Variants in VPS35L observed in about 807,000 individuals in gnomAD.
VPS35L encodes VPS35 endosomal protein sorting factor like.
VPS35L carries 83 observed loss-of-function variants against 133.0 expected under a neutral mutation model. The observed-to-expected ratio is 0.62, with a 90% CI of 0.52 to 0.75. VPS35L has a LOEUF of 0.75. Ranked by LOEUF, VPS35L falls within the 30% of genes least tolerant of loss-of-function variation. VPS35L has a pLI of 0.00. For missense variants in VPS35L, 1,083 were observed against 1,206.8 expected (o/e 0.90, Z 1.52); for synonymous variants, 423 against 449.9 (o/e 0.94, Z 0.76).
chr16:19,591,746 C>A, intron 7 of VPS35L, 44 bp from the exon 8 acceptor site: 1 of 1,443,758 alleles, frequency 6.9e-7, no homozygotes, highest in Non-Finnish European at 9.7e-7. Context: ...CTACCCATAC[C>A]AGACATGCCA....
chr16:19,625,398 G>A (rs979355393), intron 14 of VPS35L, among the ~76,000 whole-genome samples: 7 of 152,152 alleles, frequency 4.6e-5, no homozygotes, highest in African/African-American at 1.7e-4. Context: ...AGTGCACCTT[G>A]GGCACCTCTT....
intron 14 of VPS35L, among the ~76,000 whole-genome samples, chr16:19,622,567 G>GA (rs1423379118): frequency 6.6e-6 from 1 of 151,996 alleles, no homozygotes; most frequent in Non-Finnish European, 1.5e-5. Flanking sequence ...GCATATGGTT[G>GA]AAAAAAATCC....
At chr16:19,567,812 TA>T (rs1001779661) in intron 2 of VPS35L, among the ~76,000 whole-genome samples, 1 of 151,654 alleles carries the variant, frequency 6.6e-6, no homozygotes, top group Non-Finnish European at 1.5e-5. Flanking sequence ...CTACAAAAAG[TA>T]AAAAAACAAT....
intron 7 of VPS35L, among the ~76,000 whole-genome samples, chr16:19,591,366 A>T (rs1972037353): frequency 6.6e-6 from 1 of 152,186 alleles, no homozygotes; most frequent in African/African-American, 2.4e-5. Flanking sequence ...TCAGTATACA[A>T]GCAGGATCCT....
At chr16:19,624,289 A>T (rs966283461) in intron 14 of VPS35L, among the ~76,000 whole-genome samples, 5 of 151,334 alleles carry the variant, frequency 3.3e-5, no homozygotes, top group South Asian at 4.2e-4. Context: ...CTAATTTTTT[A>T]AAAAATTTTA....
chr16:19,561,326 G>A (rs540215707), intron 1 of VPS35L, among the ~76,000 whole-genome samples: 57 of 152,098 alleles, frequency 3.7e-4, no homozygotes, highest in African/African-American at 1.3e-3. Flanking sequence ...AGCGGAGATC[G>A]CGCCACTGCA....
intron 27 of VPS35L, among the ~76,000 whole-genome samples, chr16:19,674,730 C>T (rs984893776): frequency 2.6e-5 from 4 of 152,034 alleles, no homozygotes; most frequent in Admixed American, 2.0e-4. Flanking sequence ...CCTACCCCCA[C>T]CCCCTGCAAC....
chr16:19,693,760 G>A (rs1975791525), intron 29 of VPS35L, among the ~76,000 whole-genome samples: 1 of 151,596 alleles, frequency 6.6e-6, no homozygotes, highest in South Asian at 2.1e-4. Flanking sequence ...CTCCAGCCTG[G>A]GCGACAGAGT....
At chr16:19,660,202 G>A (rs940802037) in intron 26 of VPS35L, among the ~76,000 whole-genome samples, 27 of 151,980 alleles carry the variant, frequency 1.8e-4, no homozygotes, top group Non-Finnish European at 3.2e-4. Flanking sequence ...GTGTGCGCCT[G>A]TAGTCCCAGC....
Position 19,639,169 on chromosome 16 carries a change from G to T in VPS35L, c.1699-846G>T, listed in dbSNP as rs887839323. On this transcript the variant is annotated intron_variant, in intron 20 of 30. Coordinates refer to ENST00000417362, the MANE Select transcript of VPS35L (RefSeq NM_020314.7). This position sits in a 1 kb window ranked among gnomAD's most constrained non-coding sequence, Gnocchi z 4.1. ...ATATTTTCGGATGGCCGTTAACCGA[G>T]GATAACTGACACTATGGAAAGCAAA... 3.3e-5 allele frequency among the ~76,000 whole-genome samples: 5 copies of T among 152,184 alleles called. No homozygotes were observed. The highest frequency in any genetic ancestry group is 7.2e-5 in the African/African-American group (3 of 41,432).
chr16:19,672,179 C>T (rs1483978607), intron 27 of VPS35L, among the ~76,000 whole-genome samples: 3 of 152,158 alleles, frequency 2.0e-5, no homozygotes, highest in Non-Finnish European at 4.4e-5. Flanking sequence ...TCTTGAACTC[C>T]TGGCCTCAAG....
intron 7 of VPS35L, among the ~76,000 whole-genome samples, chr16:19,590,451 C>T (rs1020321358): frequency 1.3e-5 from 2 of 151,938 alleles, no homozygotes; most frequent in Admixed American, 6.6e-5. Flanking sequence ...TGAAGTGTGG[C>T]AGTTATTTAA....
chr16:19,576,722 G>A (rs2151513446), intron 5 of VPS35L, among the ~76,000 whole-genome samples: 1 of 150,822 alleles, frequency 6.6e-6, no homozygotes, highest in East Asian at 2.0e-4. Flanking sequence ...GAACAGCTTT[G>A]TTATGCATAG....
intron 8 of VPS35L, among the ~76,000 whole-genome samples, chr16:19,598,893 G>A (rs1358436912): frequency 6.6e-6 from 1 of 152,146 alleles, no homozygotes; most frequent in Non-Finnish European, 1.5e-5. Flanking sequence ...GGTGTTTTGT[G>A]CTGGGTTCAT....
At chr16:19,593,486 C>T (rs1365720999) in intron 8 of VPS35L, among the ~76,000 whole-genome samples, 4 of 152,150 alleles carry the variant, frequency 2.6e-5, no homozygotes, top group Non-Finnish European at 2.9e-5. Flanking sequence ...GGCCTGAGTG[C>T]GCTAGCTAAA....
In VPS35L at chr16:19,573,124, C is replaced by T. The variant is rs1427477122; in HGVS notation, c.291C>T (p.Ser97=). ...ATTATCTTGCCTTTCTTTAGGACAG[C>T]TCCAGAAGGAAACGTGATAGAGATG... is the stretch of plus-strand genomic sequence containing the variant. ...DPAALAAAMD[S]SRRKRDRDDN... Residue 97 remains serine (S), a synonymous_variant, in exon 4 of 31, where the codon AGC becomes AGT. Transcript: ENST00000417362. The T allele has an allele frequency of 8.7e-6, 14 of 1,613,300 alleles. No homozygotes were observed. The highest frequency in any genetic ancestry group is 1.7e-5 in the Admixed American group (1 of 59,942).
In VPS35L at chr16:19,615,968, A is replaced by AAATAATAATAATAATAATAAT. The variant is rs10683142; in HGVS notation, c.1024-136_1024-116dup. 291 of 255,262 alleles carry AAATAATAATAATAATAATAAT rather than the reference A, an allele frequency of 1.1e-3. 1 individual carries two copies. Among genetic ancestry groups the AAATAATAATAATAATAATAAT allele is most frequent in the African/African-American group, 6.7e-3 (274 of 40,626 alleles). The allele number at this position is 255,262 out of a possible 1,614,324, so 15.8% of individuals were successfully genotyped here. ...GGCAACAGAGCGAGACTCCATCTCA[A>AAATAATAATAATAATAATAAT]AATAATAATAATAATAATAATAATA... On this transcript the variant is annotated intron_variant, in intron 12 of 30. Transcript: ENST00000417362.
At chr16:19,594,163 G>A (rs1051837386) in intron 8 of VPS35L, among the ~76,000 whole-genome samples, 3 of 152,108 alleles carry the variant, frequency 2.0e-5, no homozygotes, top group Non-Finnish European at 4.4e-5. Context: ...GATTATCCAG[G>A]CCTGGGTCAC....
chr16:19,608,626 C>A, intron 10 of VPS35L: 1 of 390,130 alleles, frequency 2.6e-6, no homozygotes, highest in Non-Finnish European at 4.6e-6. Flanking sequence ...GCAAATGCTA[C>A]TATTGAAGAA....
Sources: allele counts gnomAD v4.1 joint callset (sites outside exome capture counted in the v4.1 genomes callset), GRCh38; gene constraint gnomAD v4.1.1; non-coding constraint Gnocchi (gnomAD v3.1); transcripts MANE v1.5; gene names NCBI Gene and HGNC (gene_info 2026-07-23, HGNC 2026-07-21).